Variants in LGR5 observed in about 807,000 individuals in gnomAD.
LGR5 encodes the protein leucine rich repeat containing G protein-coupled receptor 5.
A neutral mutation model predicts 76.7 loss-of-function variants in LGR5; 54 were observed. That is an observed-to-expected ratio of 0.70 (90% CI 0.57 to 0.88). The LOEUF is 0.88. LGR5 is among the 40% of genes least tolerant of loss of function. The pLI, the probability that LGR5 is intolerant of heterozygous loss-of-function variation, is 0.00. For missense variants in LGR5, 1,078 were observed against 1,073.3 expected, an observed-to-expected ratio of 1.00 and a Z score of -0.06; for synonymous variants, 406 against 421.9, an observed-to-expected ratio of 0.96 and a Z score of 0.46.
At chr12:71,572,971 C>A (rs1878683966) in intron 13 of LGR5, 50 bp downstream of exon 13, 1 of 1,314,768 alleles carries the variant, frequency 7.6e-7, no homozygotes, top group South Asian at 1.2e-5. Context: ...TTTTCTTTCT[C>A]TTTGGGGCCT....
intron 11 of LGR5, among the ~76,000 whole-genome samples, chr12:71,568,168 A>G (rs957541433): frequency 2.0e-5 from 3 of 152,170 alleles, no homozygotes; most frequent in South Asian, 2.1e-4. Context: ...TCTCTCTGCT[A>G]TGTCACACAA....
chr12:71,581,144 G>A (rs1879074978), intron 16 of LGR5, among the ~76,000 whole-genome samples: 1 of 152,148 alleles, frequency 6.6e-6, no homozygotes, highest in African/African-American at 2.4e-5. Context: ...TTATGGCCTG[G>A]AAGGATTGAA....
chr12:71,554,323 G>A (rs1302721936), intron 5 of LGR5, among the ~76,000 whole-genome samples: 3 of 152,200 alleles, frequency 2.0e-5, no homozygotes, highest in Non-Finnish European at 4.4e-5. Flanking sequence ...AAGACCACAT[G>A]GGCCAGTTTA....
In LGR5 at chr12:71,560,383, T is replaced by C. The variant is rs992886808; in HGVS notation, c.785+729T>C. Among the ~76,000 whole-genome samples the C allele has an allele frequency of 3.9e-5, 6 of 152,192 alleles. No homozygotes were observed. The South Asian group carries it at 1.2e-3, about 32-fold the overall frequency. On this transcript the variant is annotated intron_variant, in intron 7 of 17. Coordinates refer to ENST00000266674, the MANE Select transcript of LGR5 (RefSeq NM_003667.4). ...TTTATTAAGTGGAAGTATATCATCA[T>C]AAAGGTCTTCATCCCTGTCATCTTC...
At chr12:71,453,706 C>CT (rs35243515) in intron 1 of LGR5, among the ~76,000 whole-genome samples, 105 of 144,992 alleles carry the variant, frequency 7.2e-4, no homozygotes, top group East Asian at 3.3e-3. Context: ...AAATGTGTTT[C>CT]TTTTTTTTTT....
upstream of LGR5, chr12:71,439,705 G>C (rs890491618): frequency 4.6e-6 from 1 of 219,310 alleles, no homozygotes; most frequent in Non-Finnish European, 9.0e-6. Context: ...GGGCCGGGCG[G>C]GGGGTGCCTG....
chr12:71,566,780 C>CA, intron 10 of LGR5, 61 bp from the exon 11 acceptor site: 8 of 1,579,570 alleles, frequency 5.1e-6, no homozygotes, highest in Non-Finnish European at 7.0e-6. Context: ...ATCAGTGAGT[C>CA]AAAATATGTC....
At position 71,584,898 on chromosome 12, in the gene LGR5, G is replaced by A; in HGVS notation, c.*164G>A. ...AAAGGCTGAAAACCTCTTGATACTT[G>A]AGAGTGAATATAAGTCTAAATGCTG... On this transcript the variant is annotated 3_prime_UTR_variant, in exon 18 of 18. Coordinates refer to ENST00000266674, the MANE Select transcript of LGR5 (RefSeq NM_003667.4). 4.6e-6 allele frequency: 3 copies of A among 655,512 alleles called. No homozygotes were observed. Among genetic ancestry groups the A allele is most frequent in the Non-Finnish European group, 7.8e-6 (3 of 386,806 alleles). The allele number at this position is 655,512 out of a possible 1,614,324, so 40.6% of individuals were successfully genotyped here.
intron 1 of LGR5, among the ~76,000 whole-genome samples, chr12:71,499,267 G>A (rs1386228952): frequency 6.6e-6 from 1 of 152,110 alleles, no homozygotes; most frequent in Non-Finnish European, 1.5e-5. Flanking sequence ...CAAAGGACTG[G>A]AGGTTGAAAT....
At chr12:71,470,797 G>A (rs11178814) in intron 1 of LGR5, among the ~76,000 whole-genome samples, 19,507 of 152,036 alleles carry the variant, frequency 0.13, 1,389 homozygotes, top group African/African-American at 0.19. Context: ...GTCCCTGCAC[G>A]TGAGGCCAAG....
chr12:71,561,753 T>C (rs1192500996), intron 7 of LGR5, 28 bp from the exon 8 acceptor site: 3 of 1,439,164 alleles, frequency 2.1e-6, no homozygotes, highest in Admixed American at 1.9e-5. Flanking sequence ...CCACACAGGA[T>C]TTTTTATAAT....
Position 71,584,160 on chromosome 12 carries a change from T to C in LGR5, c.2150T>C (p.Phe717Ser), listed in dbSNP as rs1565783844. The change falls in exon 18 of 18, where the codon TTT (phenylalanine) becomes TCT (serine). Residue 717 changes from phenylalanine to serine, a missense_variant. Transcript: ENST00000266674. ...TCCCCTCTCTGCCTGCCTTTGCCTT[T>C]TGGGGAGCCCAGCACCATGGGCTAC... ...GASPLCLPLPFGEPSTMGYMV... is the reference protein window; with the variant it reads ...GASPLCLPLPSGEPSTMGYMV... 6.2e-7 allele frequency: 1 copy of C among 1,614,208 alleles called. No homozygotes were observed. Among genetic ancestry groups the C allele is most frequent in the African/African-American group, 1.3e-5 (1 of 75,054 alleles).
In LGR5 at chr12:71,561,850, A is replaced by T; in HGVS notation, c.855A>T (p.Thr285=). ...TTGTAGGCAACCCTTCTCTTATTAC[A>T]ATGTAAGTGACCATAATGCTTTTCG... The part of the protein sequence containing the change: ...KAFVGNPSLI[T]IHFYDNPIQF... The change falls in exon 8 of 18, where the codon ACA becomes ACT. Residue 285 remains threonine (T), a splice_region_variant and synonymous_variant. Coordinates refer to ENST00000266674, the MANE Select transcript of LGR5 (RefSeq NM_003667.4). 1 of 1,573,840 alleles carries T rather than the reference A, an allele frequency of 6.4e-7. No individual in the cohort carries two copies. The highest frequency in any genetic ancestry group is 8.7e-7 in the Non-Finnish European group (1 of 1,145,842).
intron 1 of LGR5, among the ~76,000 whole-genome samples, chr12:71,467,280 A>G (rs1872905020): frequency 6.6e-6 from 1 of 152,188 alleles, no homozygotes; most frequent in Non-Finnish European, 1.5e-5. Flanking sequence ...TGCTTCCAGA[A>G]GGCTGGAGTT....
rs775049810 is a variant in LGR5, at chr12:71,440,239, C to G, written c.159C>G (p.Ser53=). Residue 53 remains serine (S), a synonymous_variant, in exon 1 of 18, where the codon TCC becomes TCG. Transcript: ENST00000266674. This position sits in a 1 kb window ranked among gnomAD's most constrained non-coding sequence, Gnocchi z 5.3. ...GGATGTTGCTCAGGGTGGACTGCTC[C>G]GACCTGGGGCTCTCGGAGCTGCCTT... ...DGRMLLRVDC[S]DLGLSELPSN... 3.1e-6 allele frequency: 5 copies of G among 1,613,118 alleles called. No homozygotes were observed. Among genetic ancestry groups the G allele is most frequent in the Non-Finnish European group, 4.2e-6 (5 of 1,179,926 alleles).
intron 2 of LGR5, among the ~76,000 whole-genome samples, chr12:71,522,489 A>T (rs1875773827): frequency 6.6e-6 from 1 of 152,184 alleles, no homozygotes; most frequent in Admixed American, 6.5e-5. Context: ...CAGCTCTCAA[A>T]CCTTTCTGAC....
chr12:71,492,537 C>A (rs1447160887), intron 1 of LGR5, among the ~76,000 whole-genome samples: 1 of 152,122 alleles, frequency 6.6e-6, no homozygotes, highest in Non-Finnish European at 1.5e-5. Context: ...TACATGACTC[C>A]CCATTGATCT....
chr12:71,463,931 A>C (rs1318597212), intron 1 of LGR5, among the ~76,000 whole-genome samples: 2 of 152,120 alleles, frequency 1.3e-5, no homozygotes, highest in Non-Finnish European at 2.9e-5. Flanking sequence ...CAAAAGTTTA[A>C]AAGGAGGCCT....
chr12:71,566,448 T>C lies in LGR5; in HGVS notation c.902T>C (p.Phe301Ser). 1.2e-6 allele frequency: 2 copies of C among 1,605,612 alleles called. No individual in the cohort carries two copies. Among genetic ancestry groups the C allele is most frequent in the Non-Finnish European group, 1.7e-6 (2 of 1,172,552 alleles). The part of the protein sequence containing the change: ...NPIQFVGRSA[F>S]QHLPELRTLT... ...ATCCAGTTTGTTGGGAGATCTGCTT[T>C]TCAACATTTACCTGAACTAAGAACA... Residue 301 changes from phenylalanine to serine, a missense_variant, in exon 9 of 18, where the codon TTT (phenylalanine) becomes TCT (serine). Transcript: ENST00000266674.
Sources: gnomAD v4.1 joint callset for allele counts (sites outside exome capture counted in the v4.1 genomes callset) on GRCh38, gnomAD v4.1.1 for gene constraint, Gnocchi (gnomAD v3.1) non-coding constraint, MANE v1.5 for transcripts, NCBI Gene and HGNC (gene_info 2026-07-23, HGNC 2026-07-21) for gene names.